NUDT2: variants seen among roughly 807,000 people sequenced by gnomAD.
The protein encoded by NUDT2 is nudix hydrolase 2.
Under a neutral mutation model 14.2 loss-of-function variants are expected in NUDT2, and 12 were observed. That is an observed-to-expected ratio of 0.84 (90% CI 0.54 to 1.37). The LOEUF is 1.37. Ranked by LOEUF, NUDT2 falls within the 40% of genes most tolerant of loss-of-function variation. The pLI, the probability that NUDT2 is intolerant of heterozygous loss-of-function variation, is 0.00. For synonymous variants in NUDT2, 67 were observed against 67.4 expected (o/e 0.99, Z 0.03); for missense variants, 167 against 176.7 (o/e 0.95, Z 0.31).
chr9:34,337,186 G>C (rs184562293), intron 2 of NUDT2, among the ~76,000 whole-genome samples: 33 of 152,046 alleles, frequency 2.2e-4, no homozygotes, highest in Admixed American at 1.8e-3. Flanking sequence ...TTTTAGTAGA[G>C]ACGGGGTTTC....
chr9:34,343,077 C>A, intron 4 of NUDT2, 47 bp from the exon 5 acceptor site: 1 of 1,510,226 alleles, frequency 6.6e-7, no homozygotes, highest in Non-Finnish European at 8.9e-7. Flanking sequence ...GCTTTGGGAA[C>A]TTTGGAAGAT....
chr9:34,343,152 G>A lies in NUDT2; in HGVS notation c.156G>A (p.Leu52=). The A allele has an allele frequency of 6.2e-7, 1 of 1,613,810 alleles. No homozygotes were observed. The highest frequency in any genetic ancestry group is 8.5e-7 in the Non-Finnish European group (1 of 1,179,866). Residue 52 remains leucine, a synonymous_variant, in exon 5 of 5, where the codon TTG becomes TTA. Coordinates refer to ENST00000379158, the MANE Select transcript of NUDT2 (RefSeq NM_001161.5). ...ATGTGGAACCAGGAGAGGATGACTTGGAAACAGCCCTGAGGGAGACCCAAG... is the reference window on the plus strand; with the variant it reads ...ATGTGGAACCAGGAGAGGATGACTTAGAAACAGCCCTGAGGGAGACCCAAG... The part of the protein sequence containing the change: ...KGHVEPGEDD[L]ETALRETQEE...
chr9:34,335,847 C>T (rs1458311150), intron 1 of NUDT2, among the ~76,000 whole-genome samples: 1 of 152,130 alleles, frequency 6.6e-6, no homozygotes, highest in Non-Finnish European at 1.5e-5. Context: ...AGATTCCTCC[C>T]CCACCCCACC....
intron 4 of NUDT2, among the ~76,000 whole-genome samples, 171 bp from the exon 5 acceptor site, chr9:34,342,953 G>A (rs1273545140): frequency 6.6e-6 from 1 of 151,928 alleles, no homozygotes; most frequent in Non-Finnish European, 1.5e-5. Flanking sequence ...TTGAGCCCAG[G>A]AATTCAAGGC....
Position 34,340,092 on chromosome 9 carries a change from G to A in NUDT2, c.127+926G>A, listed in dbSNP as rs554449530. Among the ~76,000 whole-genome samples, 15 of 151,976 alleles carry A rather than the reference G, an allele frequency of 9.9e-5. 1 individual carries two copies. Among genetic ancestry groups the A allele is most frequent in the South Asian group, 4.2e-4 (2 of 4,802 alleles). ...TGGGATTACAGGCGCCCACCACCAC[G>A]CCTGGCTAATTTTTTGTATTTTTAG... On this transcript the variant is annotated intron_variant, in intron 4 of 4. Transcript: ENST00000379158.
chr9:34,330,989 T>TA (rs1430842037), intron 1 of NUDT2, among the ~76,000 whole-genome samples: 134 of 152,250 alleles, frequency 8.8e-4, no homozygotes, highest in African/African-American at 3.0e-3. Context: ...ATTATTCTTA[T>TA]AATAAGAACA....
chr9:34,330,733 G>A (rs929422003), intron 1 of NUDT2, among the ~76,000 whole-genome samples: 2 of 151,994 alleles, frequency 1.3e-5, no homozygotes, highest in Admixed American at 6.5e-5. Flanking sequence ...AGGCCGAGGC[G>A]GGCGGATCAC....
Position 34,343,636 on chromosome 9 carries a change from A to C in NUDT2, c.*196A>C. The stretch of plus-strand genomic sequence containing the variant: ...GTGGAAAGGAAGGCAAAAGAGTAAA[A>C]ATTAAAAAGGCCAGGCCCAGTAAGT... On this transcript the variant is annotated 3_prime_UTR_variant, in exon 5 of 5. Transcript: ENST00000379158. 1 of 546,006 alleles carries C rather than the reference A, an allele frequency of 1.8e-6. No homozygotes were observed. Among genetic ancestry groups the C allele is most frequent in the Non-Finnish European group, 3.2e-6 (1 of 311,518 alleles). The allele number at this position is 546,006 out of a possible 1,614,324, so 33.8% of individuals were successfully genotyped here.
intron 4 of NUDT2, among the ~76,000 whole-genome samples, chr9:34,342,299 GT>G (rs1820210432): frequency 6.6e-6 from 1 of 152,188 alleles, no homozygotes; most frequent in African/African-American, 2.4e-5. Flanking sequence ...GCCGTGCAGG[GT>G]TTTGAGCCTG....
At chr9:34,336,609 A>G (rs1838094102) in intron 2 of NUDT2, among the ~76,000 whole-genome samples, 2 of 151,890 alleles carry the variant, frequency 1.3e-5, no homozygotes, top group South Asian at 2.1e-4. Flanking sequence ...TGGTGCAAAC[A>G]TGGCTCACTG....
intron 1 of NUDT2, among the ~76,000 whole-genome samples, chr9:34,329,811 C>A (rs1425568424): frequency 1.3e-5 from 2 of 152,040 alleles, no homozygotes; most frequent in African/African-American, 2.4e-5. Flanking sequence ...AAGGGAGGTT[C>A]CCTGACTCTG....
chr9:34,335,237 T>A (rs952735238), intron 1 of NUDT2, among the ~76,000 whole-genome samples: 1 of 152,200 alleles, frequency 6.6e-6, no homozygotes, highest in Non-Finnish European at 1.5e-5. Flanking sequence ...TCCTTGTAGA[T>A]CCCAGTTTGT....
At chr9:34,341,543 T>C (rs991290261) in intron 4 of NUDT2, among the ~76,000 whole-genome samples, 1 of 152,246 alleles carries the variant, frequency 6.6e-6, no homozygotes, top group Non-Finnish European at 1.5e-5. Context: ...GGAGTCTCGC[T>C]CTGTTGCCCA....
At position 34,343,541 on chromosome 9, in the gene NUDT2, A is replaced by C; in HGVS notation, c.*101A>C. 9.1e-7 allele frequency: 1 copy of C among 1,098,870 alleles called. No homozygotes were observed. The highest frequency in any genetic ancestry group is 1.3e-6 in the Non-Finnish European group (1 of 793,500). 68.1% of individuals were successfully genotyped at this position (1,098,870 alleles called of 1,614,324 possible). A position where few individuals can be genotyped will look rare whatever the true frequency, so the allele number is the denominator to read the frequency against. Reference sequence around the variant, plus strand: ...GGAAGGTTGTGCTGGTATTTGGCTCATGACAGCCAAGAGCAGATTTGTGAA... The same window carrying C: ...GGAAGGTTGTGCTGGTATTTGGCTCCTGACAGCCAAGAGCAGATTTGTGAA... On this transcript the variant is annotated 3_prime_UTR_variant, in exon 5 of 5. Coordinates refer to ENST00000379158, the MANE Select transcript of NUDT2 (RefSeq NM_001161.5).
At position 34,338,863 on chromosome 9, in the gene NUDT2, C is replaced by A; in HGVS notation, c.-17+16C>A. 1.8e-6 allele frequency: 1 copy of A among 542,220 alleles called. No homozygotes were observed. Among genetic ancestry groups the A allele is most frequent in the Non-Finnish European group, 3.3e-6 (1 of 307,128 alleles). The allele number at this position is 542,220 out of a possible 1,614,324, so 33.6% of individuals were successfully genotyped here. ...ATACACAAAGGTCAGTCTCTGATTC[C>A]TGGATGCCTTCCATTGGTCCTGGGC... On this transcript the variant is annotated intron_variant, in intron 3 of 4. Transcript: ENST00000379158.
At chr9:34,342,445 G>A (rs1049053935) in intron 4 of NUDT2, among the ~76,000 whole-genome samples, 1 of 152,032 alleles carries the variant, frequency 6.6e-6, no homozygotes, top group African/African-American at 2.4e-5. Context: ...TCACTTCAAG[G>A]TCTCCAATAG....
chr9:34,336,976 G>C (rs1838104481), intron 2 of NUDT2, among the ~76,000 whole-genome samples: 1 of 146,468 alleles, frequency 6.8e-6, no homozygotes, highest in Admixed American at 6.8e-5. Flanking sequence ...AAGTTGTAGT[G>C]AACATTGTTA....
At chr9:34,338,327 T>TAAAAAAAAAAAAAAAAAAAAAAAAAAAAA (rs61594121) in intron 2 of NUDT2, among the ~76,000 whole-genome samples, 3 of 33,738 alleles carry the variant, frequency 8.9e-5, no homozygotes, top group African/African-American at 1.7e-4. Flanking sequence ...ACCCTGTCTC[T>TAAAAAAAAAAAAAAAAAAAAAAAAAAAAA]AAAAAAAAAA....
chr9:34,338,976 C>T, intron 3 of NUDT2, 48 bp from the exon 4 acceptor site: 1 of 1,528,212 alleles, frequency 6.5e-7, no homozygotes, highest in South Asian at 1.2e-5. Flanking sequence ...CAGTATGGAG[C>T]TTCCTATTTT....
Sources: allele counts gnomAD v4.1 joint callset (sites outside exome capture counted in the v4.1 genomes callset), GRCh38; gene constraint gnomAD v4.1.1; transcripts MANE v1.5; gene names NCBI Gene and HGNC (gene_info 2026-07-23, HGNC 2026-07-21).